The following ADCY2 variants were observed in gnomAD, a reference collection of about 807,000 sequenced individuals.
ADCY2 encodes the protein adenylate cyclase 2, also known as adenylate cyclase type 2.
ADCY2 carries 31 observed loss-of-function variants against 125.2 expected under a neutral mutation model. The ratio of observed to expected loss-of-function variants is 0.25; its 90% CI spans 0.19 to 0.33. ADCY2 has a LOEUF of 0.33. Among genes scored for constraint, ADCY2 ranks in the 10% least tolerant of loss-of-function variants. The pLI is 1.00. For missense variants in ADCY2, 904 were observed against 1,418.2 expected, an observed-to-expected ratio of 0.64 and a Z score of 5.82; for synonymous variants, 512 against 548.4, an observed-to-expected ratio of 0.93 and a Z score of 0.93.
chr5:7,762,538 G>A (rs1479700982), intron 16 of ADCY2, among the ~76,000 whole-genome samples: 13 of 152,146 alleles, frequency 8.5e-5, no homozygotes, highest in Admixed American at 6.6e-4. Context: ...TGCAAGGGAA[G>A]CATACTCCTG....
At position 7,820,686 on chromosome 5, in the gene ADCY2, A is replaced by G; in HGVS notation, c.3120A>G (p.Ile1040Met). 1 of 1,613,418 alleles carries G rather than the reference A, an allele frequency of 6.2e-7. No homozygotes were observed. The highest frequency in any genetic ancestry group is 8.5e-7 in the Non-Finnish European group (1 of 1,179,560). ...RMDSTGVLDKIQVTEETSLVL... is the reference protein window; with the variant it reads ...RMDSTGVLDKMQVTEETSLVL... ...ACAGCACCGGAGTCCTGGACAAAAT[A>G]CAGGTAATGCAGAGTGTGGTCTGCG... Residue 1040 changes from isoleucine (I) to methionine (M), a missense_variant, in exon 24 of 25, where the codon ATA becomes ATG. This residue lies in a region of ADCY2 where 181 missense variants were observed against 381.6 expected (regional missense o/e 0.47). Coordinates refer to ENST00000338316, the MANE Select transcript of ADCY2 (RefSeq NM_020546.3).
chr5:7,704,605 C>T (rs888599677), intron 7 of ADCY2, among the ~76,000 whole-genome samples: 11 of 152,162 alleles, frequency 7.2e-5, no homozygotes, highest in African/African-American at 1.4e-4. Context: ...GTTGGCCGGG[C>T]GCGGTGGGTC....
chr5:7,657,159 C>T (rs796389176), intron 4 of ADCY2, among the ~76,000 whole-genome samples: 5 of 152,276 alleles, frequency 3.3e-5, no homozygotes, highest in African/African-American at 1.2e-4. Context: ...CCAAAAAATT[C>T]TGAAATCCGA....
chr5:7,477,144 C>T (rs970577754), intron 2 of ADCY2, among the ~76,000 whole-genome samples: 4 of 151,904 alleles, frequency 2.6e-5, no homozygotes, highest in Non-Finnish European at 4.4e-5. Flanking sequence ...TCTGTTTCCT[C>T]TAATGATAAT....
intron 3 of ADCY2, among the ~76,000 whole-genome samples, chr5:7,559,603 C>T (rs1029889751): frequency 6.6e-6 from 1 of 152,124 alleles, no homozygotes; most frequent in Non-Finnish European, 1.5e-5. Flanking sequence ...CCTAGATATA[C>T]GATCATGTTG....
At chr5:7,418,647 G>GTTTTTTTTTTTTTTTTTTTTTTTTTTTTT (rs869287430) in intron 2 of ADCY2, among the ~76,000 whole-genome samples, 2 of 73,766 alleles carry the variant, frequency 2.7e-5, no homozygotes, top group African/African-American at 6.2e-5. Flanking sequence ...TCTACCTTCT[G>GTTTTTTTTTTTTTTTTTTTTTTTTTTTTT]TTTTTTTTTT....
At chr5:7,801,644 C>G (rs1299883368) in intron 20 of ADCY2, 2 of 152,276 alleles carry the variant, frequency 1.3e-5, no homozygotes, top group East Asian at 1.9e-4. Context: ...GGATAAAGAA[C>G]TATGAGCTTC....
At chr5:7,482,452 G>T (rs1367688660) in intron 2 of ADCY2, among the ~76,000 whole-genome samples, 1 of 151,996 alleles carries the variant, frequency 6.6e-6, no homozygotes, top group African/African-American at 2.4e-5. Flanking sequence ...AGTCCTATTA[G>T]TCTATTTCAT....
chr5:7,603,787 T>TTC (rs1737303268), intron 3 of ADCY2, among the ~76,000 whole-genome samples: 16 of 87,118 alleles, frequency 1.8e-4, no homozygotes, highest in African/African-American at 6.0e-4. Context: ...TCTCTTTCTT[T>TTC]TTTTTTTTTT....
intron 3 of ADCY2, among the ~76,000 whole-genome samples, chr5:7,532,286 G>A (rs79555829): frequency 0.026 from 3,927 of 152,290 alleles, 161 homozygotes; most frequent in African/African-American, 0.089. Flanking sequence ...GAAAGAAAGA[G>A]AGAGAGAGTT....
At chr5:7,456,479 A>G (rs543617446) in intron 2 of ADCY2, among the ~76,000 whole-genome samples, 2 of 152,324 alleles carry the variant, frequency 1.3e-5, no homozygotes, top group East Asian at 3.9e-4. Flanking sequence ...GAAAATGTGT[A>G]CACTCCATAA....
chr5:7,440,449 C>T (rs531640266), intron 2 of ADCY2, among the ~76,000 whole-genome samples: 1 of 152,278 alleles, frequency 6.6e-6, no homozygotes, highest in South Asian at 2.1e-4. Context: ...TTTCATTTTG[C>T]GTTTCAGAGT....
At position 7,690,174 on chromosome 5, in the gene ADCY2, A is replaced by G. The variant is rs555048830; in HGVS notation, c.721-517A>G. Among the ~76,000 whole-genome samples the G allele has an allele frequency of 1.4e-4, 22 of 152,344 alleles. 1 individual carries two copies. The South Asian group carries it at 4.6e-3, about 32-fold the overall frequency. On this transcript the variant is annotated intron_variant, in intron 4 of 24. Transcript: ENST00000338316. Reference sequence around the variant, plus strand: ...TCTGACTCCATTTTTATAATAGCTTAGAATTTCTAAAGAGGATTAGGTGCT... The same window carrying G: ...TCTGACTCCATTTTTATAATAGCTTGGAATTTCTAAAGAGGATTAGGTGCT...
intron 4 of ADCY2, among the ~76,000 whole-genome samples, chr5:7,635,555 A>G (rs1276064926): frequency 6.6e-6 from 1 of 152,132 alleles, no homozygotes; most frequent in Non-Finnish European, 1.5e-5. Flanking sequence ...TACAGTAGAA[A>G]TCCAGATTTG....
chr5:7,581,132 C>T (rs866278187), intron 3 of ADCY2, among the ~76,000 whole-genome samples: 4 of 152,132 alleles, frequency 2.6e-5, no homozygotes, highest in South Asian at 2.1e-4. Context: ...AGAAGAACAA[C>T]CTTTGGAAAT....
At chr5:7,697,010 G>A (rs1740915521) in intron 6 of ADCY2, among the ~76,000 whole-genome samples, 1 of 151,776 alleles carries the variant, frequency 6.6e-6, no homozygotes, top group Non-Finnish European at 1.5e-5. Flanking sequence ...TTCATGTTAG[G>A]AAGAAACGTT....
At chr5:7,797,632 C>G (rs1744465045) in intron 20 of ADCY2, 1 of 152,230 alleles carries the variant, frequency 6.6e-6, no homozygotes, top group African/African-American at 2.4e-5. Context: ...GAGGGAATTT[C>G]AGCCTGCGAC....
At chr5:7,629,332 G>C (rs975260438) in intron 4 of ADCY2, among the ~76,000 whole-genome samples, 1 of 152,102 alleles carries the variant, frequency 6.6e-6, no homozygotes, top group Non-Finnish European at 1.5e-5. Context: ...TGGAGGGGGG[G>C]CACTGAAACT....
chr5:7,491,760 A>G (rs1238566182), intron 2 of ADCY2, among the ~76,000 whole-genome samples: 1 of 152,094 alleles, frequency 6.6e-6, no homozygotes, highest in Non-Finnish European at 1.5e-5. Context: ...AATTTTTTAT[A>G]TTATTAATGT....
Sources: allele counts gnomAD v4.1 joint callset (sites outside exome capture counted in the v4.1 genomes callset), GRCh38; gene constraint gnomAD v4.1.1; regional missense constraint gnomAD v4.1.1; transcripts MANE v1.5; gene names NCBI Gene and HGNC (gene_info 2026-07-23, HGNC 2026-07-21).